Variants in SLAMF7 observed in about 807,000 individuals in gnomAD.
SLAMF7 encodes the protein 19A24 protein.
Under a neutral mutation model 34.1 loss-of-function variants are expected in SLAMF7, and 26 were observed. That is an observed-to-expected ratio of 0.76 (90% CI 0.56 to 1.06). The LOEUF (loss-of-function observed/expected upper bound fraction) is 1.06, where lower values mean the gene tolerates loss of function less well. Among genes scored for constraint, SLAMF7 ranks in the 50% least tolerant of loss-of-function variants. SLAMF7 has a pLI of 0.00. For synonymous variants in SLAMF7, 171 were observed against 156.4 expected (o/e 1.09, Z -0.70); for missense variants, 399 against 402.5 (o/e 0.99, Z 0.07).
intron 2 of SLAMF7, 90 bp from the exon 3 acceptor site, chr1:160,749,731 G>A: frequency 8.5e-7 from 1 of 1,170,354 alleles, no homozygotes; most frequent in South Asian, 1.7e-5. Context: ...GAGCTCCCAG[G>A]GAGATTCAGG....
At chr1:160,741,148 C>T (rs980189619) in intron 1 of SLAMF7, among the ~76,000 whole-genome samples, 2 of 152,256 alleles carry the variant, frequency 1.3e-5, no homozygotes, top group African/African-American at 4.8e-5. Flanking sequence ...GCCACCCTGG[C>T]TAAACTCAGA....
At chr1:160,748,561 G>A (rs764207466) in intron 2 of SLAMF7, 47 bp downstream of exon 2, 1 of 1,538,040 alleles carries the variant, frequency 6.5e-7, no homozygotes, top group East Asian at 2.3e-5. Context: ...TGGTGAGGTG[G>A]TGAGCTCCTT....
chr1:160,750,139 C>A, intron 3 of SLAMF7, 46 bp downstream of exon 3: 1 of 1,595,302 alleles, frequency 6.3e-7, no homozygotes, highest in Non-Finnish European at 8.5e-7. Context: ...CCAGGTCCTA[C>A]ACCTTCTTCA....
At chr1:160,743,131 T>C (rs910527837) in intron 1 of SLAMF7, among the ~76,000 whole-genome samples, 2 of 152,172 alleles carry the variant, frequency 1.3e-5, no homozygotes, top group African/African-American at 4.8e-5. Flanking sequence ...CACAGCAAAA[T>C]GATATATGCA....
At chr1:160,752,140 A>G (rs1558061151) in intron 5 of SLAMF7, 46 bp from the exon 6 acceptor site, 2 of 1,474,274 alleles carry the variant, frequency 1.4e-6, no homozygotes, top group Middle Eastern at 1.7e-4. Context: ...TATGTGATTC[A>G]GGAGGTGGGT....
chr1:160,749,223 A>G (rs1664363869), intron 2 of SLAMF7, among the ~76,000 whole-genome samples: 1 of 152,192 alleles, frequency 6.6e-6, no homozygotes, highest in Non-Finnish European at 1.5e-5. Flanking sequence ...TCTGCAGGCT[A>G]ACTAGTCAGG....
chr1:160,750,208 C>G, intron 3 of SLAMF7, 96 bp from the exon 4 acceptor site: 1 of 1,578,514 alleles, frequency 6.3e-7, no homozygotes, highest in Non-Finnish European at 8.6e-7. Context: ...TGGGTGGTCA[C>G]CAGGCTGGGA....
intron 1 of SLAMF7, among the ~76,000 whole-genome samples, chr1:160,740,718 T>C (rs1234393524): frequency 6.6e-6 from 1 of 152,220 alleles, no homozygotes; most frequent in Non-Finnish European, 1.5e-5. Flanking sequence ...ACATATCAAA[T>C]GCAAAATAAT....
chr1:160,752,144 G>A (rs1424097239), intron 5 of SLAMF7, 42 bp from the exon 6 acceptor site: 5 of 1,499,566 alleles, frequency 3.3e-6, no homozygotes, highest in South Asian at 1.1e-5. Flanking sequence ...TGATTCAGGA[G>A]GTGGGTGATG....
chr1:160,739,475 AT>A, intron 1 of SLAMF7, 119 bp downstream of exon 1: 1 of 832,000 alleles, frequency 1.2e-6, no homozygotes, highest in South Asian at 1.7e-5. Flanking sequence ...CTCATCTAAC[AT>A]TTGCTTTTTA....
chr1:160,746,921 A>G (rs1571115981), intron 1 of SLAMF7, among the ~76,000 whole-genome samples: 1 of 152,260 alleles, frequency 6.6e-6, no homozygotes, highest in Admixed American at 6.5e-5. Flanking sequence ...ATCTCCACCC[A>G]TGGGTGTGTT....
chr1:160,748,254 TC>T lies in SLAMF7; in HGVS notation c.121del (p.Leu41Ter). ...LVGSVGGAVT[F>X]PLKSKVKQVD... is the part of the protein sequence containing the mutation. ...GGTTCCGTTGGTGGGGCCGTGACTTTCCCCCTGAAGTCCAAAGTAAAGCAAG... is the reference window on the plus strand; with the variant it reads ...GGTTCCGTTGGTGGGGCCGTGACTTTCCCCTGAAGTCCAAAGTAAAGCAAG... On this transcript the variant is annotated frameshift_variant, in exon 2 of 7. Coordinates refer to ENST00000368043, the MANE Select transcript of SLAMF7 (RefSeq NM_021181.5). LOFTEE classifies it high-confidence loss of function. The T allele has an allele frequency of 6.2e-7, 1 of 1,614,008 alleles. No homozygotes were observed. Among genetic ancestry groups the T allele is most frequent in the Non-Finnish European group, 8.5e-7 (1 of 1,179,950 alleles).
chr1:160,753,882 A>C lies in SLAMF7; in HGVS notation c.*705A>C, dbSNP rs958437914. The stretch of plus-strand genomic sequence containing the variant: ...AGATGAAGAATCAGGGTAGCTGACC[A>C]TGTTTGGCAGATACTATAATGGAGA... On this transcript the variant is annotated 3_prime_UTR_variant, in exon 7 of 7. Coordinates refer to ENST00000368043, the MANE Select transcript of SLAMF7 (RefSeq NM_021181.5). 1 of 152,480 alleles carries C rather than the reference A, an allele frequency of 6.6e-6. No individual in the cohort carries two copies. Among genetic ancestry groups the C allele is most frequent in the Admixed American group, 6.5e-5 (1 of 15,286 alleles). The allele number at this position is 152,480 out of a possible 1,614,324, so 9.4% of individuals were successfully genotyped here. A position where few individuals can be genotyped will look rare whatever the true frequency, so the allele number is the denominator to read the frequency against.
At position 160,753,825 on chromosome 1, in the gene SLAMF7, G is replaced by T. The variant is rs1271979968; in HGVS notation, c.*648G>T. The T allele has an allele frequency of 6.6e-6, 1 of 152,546 alleles. No individual in the cohort carries two copies. Among genetic ancestry groups the T allele is most frequent in the African/African-American group, 2.4e-5 (1 of 41,460 alleles). The allele number at this position is 152,546 out of a possible 1,614,324, so 9.4% of individuals were successfully genotyped here. ...ACAGATTCCCAGAGGGCCAGGTGTGGATCCACAGGACTTGAAGGTCAAAGT... is the reference window on the plus strand; with the variant it reads ...ACAGATTCCCAGAGGGCCAGGTGTGTATCCACAGGACTTGAAGGTCAAAGT... On this transcript the variant is annotated 3_prime_UTR_variant, in exon 7 of 7. Coordinates refer to ENST00000368043, the MANE Select transcript of SLAMF7 (RefSeq NM_021181.5).
chr1:160,749,288 C>A (rs1464155412), intron 2 of SLAMF7, among the ~76,000 whole-genome samples: 3 of 152,200 alleles, frequency 2.0e-5, no homozygotes, highest in Non-Finnish European at 4.4e-5. Flanking sequence ...CGTCTCAAAC[C>A]CATGAGTAGA....
rs267598124 is a variant in SLAMF7 at position 160,749,846 on chromosome 1, C to T, written c.402C>T (p.Thr134=). 1.2e-6 allele frequency: 2 copies of T among 1,607,422 alleles called. No homozygotes were observed. Among genetic ancestry groups the T allele is most frequent in the Non-Finnish European group, 1.7e-6 (2 of 1,176,254 alleles). ...VYEHLSKPKV[T]MGLQSNKNGT... ...AGCACCTGTCAAAGCCTAAAGTCAC[C>T]ATGGGTCTGCAGAGCAATAAGAATG... is the stretch of plus-strand genomic sequence containing the variant. The change falls in exon 3 of 7, where the codon ACC becomes ACT. Residue 134 remains threonine (T), a synonymous_variant. Transcript: ENST00000368043.
At position 160,753,352 on chromosome 1, in the gene SLAMF7, T is replaced by C; in HGVS notation, c.*175T>C. 1.6e-6 allele frequency: 1 copy of C among 609,266 alleles called. No individual in the cohort carries two copies. The allele number at this position is 609,266 out of a possible 1,614,324, so 37.7% of individuals were successfully genotyped here. On this transcript the variant is annotated 3_prime_UTR_variant, in exon 7 of 7. Transcript: ENST00000368043. ...TTCTTTAGATTTAAGAGTTCATAAT[T>C]CCATCCACTGCTGAGAAATCTCCTC...
intron 6 of SLAMF7, among the ~76,000 whole-genome samples, chr1:160,752,570 G>C (rs1664722321): frequency 6.6e-6 from 1 of 152,222 alleles, no homozygotes; most frequent in Non-Finnish European, 1.5e-5. Context: ...TGCATGGAAT[G>C]AAGAGAGGAA....
chr1:160,739,442 C>T (rs1052700875), intron 1 of SLAMF7, 86 bp downstream of exon 1: 1 of 1,165,938 alleles, frequency 8.6e-7, no homozygotes, highest in Middle Eastern at 2.0e-4. Flanking sequence ...GGGCCTCTGG[C>T]TCAACTCGGG....
Sources: allele counts gnomAD v4.1 joint callset (sites outside exome capture counted in the v4.1 genomes callset), GRCh38; gene constraint gnomAD v4.1.1; transcripts MANE v1.5; gene names NCBI Gene and HGNC (gene_info 2026-07-23, HGNC 2026-07-21).